The following ULK4 variants were observed in gnomAD, a reference collection of about 807,000 sequenced individuals.
ULK4 encodes the protein unc-51 like kinase 4, also known as inactive serine/threonine-protein kinase ULK4.
A neutral mutation model predicts 160.6 loss-of-function variants in ULK4; 133 were observed. The observed-to-expected ratio is 0.83, with a 90% confidence interval of 0.72 to 0.96. The LOEUF (loss-of-function observed/expected upper bound fraction) is 0.96, where lower values mean the gene tolerates loss of function less well. Among genes scored for constraint, ULK4 ranks in the 40% least tolerant of loss-of-function variants. The pLI is 0.00. For missense variants in ULK4, 1,580 were observed against 1,499.5 expected, an observed-to-expected ratio of 1.05 and a Z score of -0.89; for synonymous variants, 534 against 539.8, an observed-to-expected ratio of 0.99 and a Z score of 0.15.
At chr3:41,793,911 A>G (rs2040220104) in intron 20 of ULK4, among the ~76,000 whole-genome samples, 1 of 152,220 alleles carries the variant, frequency 6.6e-6, no homozygotes, top group African/African-American at 2.4e-5. Context: ...ATTTTACTCT[A>G]AGCCACACTG....
At chr3:41,247,859 T>C (rs965459281) in intron 36 of ULK4, among the ~76,000 whole-genome samples, 2 of 152,200 alleles carry the variant, frequency 1.3e-5, no homozygotes, top group African/African-American at 4.8e-5. Context: ...CTGAGAACAA[T>C]GCCATCCACT....
intron 12 of ULK4, among the ~76,000 whole-genome samples, chr3:41,906,880 C>T (rs555944039): frequency 2.0e-4 from 30 of 152,092 alleles, no homozygotes; most frequent in African/African-American, 5.8e-4. Context: ...GTAGTCCCAG[C>T]GACTTGGTAG....
At chr3:41,905,227 G>A (rs1698510587) in intron 12 of ULK4, among the ~76,000 whole-genome samples, 1 of 152,138 alleles carries the variant, frequency 6.6e-6, no homozygotes, top group Non-Finnish European at 1.5e-5. Flanking sequence ...AATTCAATGG[G>A]GAAAGAATAA....
At chr3:41,388,300 A>G (rs1349353779) in intron 35 of ULK4, among the ~76,000 whole-genome samples, 1 of 151,996 alleles carries the variant, frequency 6.6e-6, no homozygotes, top group Admixed American at 6.6e-5. Context: ...GTAGGTTGCG[A>G]AAATTTTCTC....
chr3:41,917,437 C>T (rs1246855472), intron 7 of ULK4, among the ~76,000 whole-genome samples: 2 of 151,784 alleles, frequency 1.3e-5, no homozygotes, highest in East Asian at 1.9e-4. Context: ...CTGAGTGACA[C>T]AGCAGCACAG....
intron 31 of ULK4, among the ~76,000 whole-genome samples, chr3:41,572,334 C>G (rs1019572277): frequency 6.6e-6 from 1 of 152,086 alleles, no homozygotes; most frequent in African/African-American, 2.4e-5. Context: ...CCAGAGTAGG[C>G]GGGGGTGAAA....
At chr3:41,629,505 G>T (rs762564770) in intron 30 of ULK4, among the ~76,000 whole-genome samples, 9 of 152,082 alleles carry the variant, frequency 5.9e-5, no homozygotes, top group Admixed American at 2.0e-4. Flanking sequence ...CTTCTATTGT[G>T]TTCTAAGTGG....
At chr3:41,647,924 C>T (rs2034579990) in intron 30 of ULK4, among the ~76,000 whole-genome samples, 1 of 152,234 alleles carries the variant, frequency 6.6e-6, no homozygotes, top group Non-Finnish European at 1.5e-5. Flanking sequence ...CCCAGCCTCG[C>T]TGCCGCCTTG....
chr3:41,609,789 T>C (rs6797867), intron 31 of ULK4, among the ~76,000 whole-genome samples: 15,577 of 151,922 alleles, frequency 0.1, 2,191 homozygotes, highest in African/African-American at 0.32. Flanking sequence ...CTGGTGAACA[T>C]AGCAAGACCC....
intron 35 of ULK4, among the ~76,000 whole-genome samples, chr3:41,344,020 A>C (rs1008818295): frequency 6.6e-6 from 1 of 152,208 alleles, no homozygotes; most frequent in African/African-American, 2.4e-5. Flanking sequence ...AAATAGCCAA[A>C]ACAATTCTAA....
intron 32 of ULK4, among the ~76,000 whole-genome samples, chr3:41,549,849 T>C (rs2125963796): frequency 6.6e-6 from 1 of 152,154 alleles, no homozygotes; most frequent in South Asian, 2.1e-4. Context: ...ACTGGATCTC[T>C]CAGCAGAAAG....
At chr3:41,789,212 G>A (rs1412934150) in intron 21 of ULK4, among the ~76,000 whole-genome samples, 1 of 152,108 alleles carries the variant, frequency 6.6e-6, no homozygotes, top group Non-Finnish European at 1.5e-5. Flanking sequence ...ACTAGAAGAG[G>A]ATAGGTTAAA....
At chr3:41,800,397 C>T in intron 19 of ULK4, 104 bp from the exon 20 acceptor site, 1 of 1,134,768 alleles carries the variant, frequency 8.8e-7, no homozygotes, top group Non-Finnish European at 1.3e-6. Flanking sequence ...CAGTAACATG[C>T]CTCTGGATGT....
chr3:41,682,201 G>T (rs1453156643), intron 27 of ULK4, among the ~76,000 whole-genome samples: 1 of 152,018 alleles, frequency 6.6e-6, no homozygotes, highest in Non-Finnish European at 1.5e-5. Flanking sequence ...AGACACAATA[G>T]TCCCCATGTT....
intron 30 of ULK4, among the ~76,000 whole-genome samples, chr3:41,617,594 C>A (rs907316534): frequency 1.3e-5 from 2 of 151,508 alleles, no homozygotes; most frequent in Non-Finnish European, 2.9e-5. Flanking sequence ...TAAAAAACCC[C>A]CACACAAAAA....
intron 17 of ULK4, chr3:41,859,643 A>C: frequency 2.2e-6 from 1 of 453,234 alleles, no homozygotes. Context: ...CATTTCCCAA[A>C]TTCCTTCTTT....
At chr3:41,481,025 A>T (rs1038156255) in intron 32 of ULK4, among the ~76,000 whole-genome samples, 9 of 152,178 alleles carry the variant, frequency 5.9e-5, no homozygotes, top group Admixed American at 5.9e-4. Context: ...ACACAGCCAA[A>T]CTGTATCAGT....
rs147390316 is a variant in ULK4 at position 41,491,326 on chromosome 3, T to G, written c.3227-28073A>C. 1.6e-5 allele frequency among the ~76,000 whole-genome samples: 2 copies of G among 122,766 alleles called. 1 individual carries two copies. The highest frequency in any genetic ancestry group is 5.2e-4 in the South Asian group (2 of 3,872). 80.5% of individuals were successfully genotyped at this position (122,766 alleles called of 152,430 possible). On this transcript the variant is annotated intron_variant, in intron 32 of 36. Coordinates refer to ENST00000301831, the MANE Select transcript of ULK4 (RefSeq NM_017886.4). ...AAGTTGTTTTGGAAAAAATAAAAAATAAAATACAACAGTAAGAAAACTGCC... is the reference window on the plus strand; with the variant it reads ...AAGTTGTTTTGGAAAAAATAAAAAAGAAAATACAACAGTAAGAAAACTGCC...
intron 32 of ULK4, among the ~76,000 whole-genome samples, chr3:41,495,307 G>T (rs1295568442): frequency 6.6e-6 from 1 of 151,956 alleles, no homozygotes; most frequent in East Asian, 1.9e-4. Context: ...TGACAAACCT[G>T]ACAAAAACAA....
Sources: allele counts gnomAD v4.1 joint callset (sites outside exome capture counted in the v4.1 genomes callset), GRCh38; gene constraint gnomAD v4.1.1; transcripts MANE v1.5; gene names NCBI Gene and HGNC (gene_info 2026-07-23, HGNC 2026-07-21).